The following RARB variants were observed in gnomAD, a reference collection of about 807,000 sequenced individuals.
The protein encoded by RARB is HBV-activated protein.
In RARB, 17 loss-of-function variants were observed where a neutral mutation model predicts 51.9. The observed-to-expected ratio is 0.33, with a 90% confidence interval of 0.22 to 0.49. The LOEUF is 0.49. RARB is among the 20% of genes least tolerant of loss of function. The probability of loss-of-function intolerance (pLI) is 0.99; values close to 1 mark genes in which losing one functional copy is unlikely to be tolerated. For missense variants in RARB, 369 were observed against 550.8 expected (o/e 0.67, Z 3.30); for synonymous variants, 215 against 195.4 (o/e 1.10, Z -0.84).
rs1463129864 is a variant in RARB at position 25,597,580 on chromosome 3, C to A, written c.*964C>A. 1 of 152,084 alleles carries A rather than the reference C, an allele frequency of 6.6e-6. No individual in the cohort carries two copies. Among genetic ancestry groups the A allele is most frequent in the Admixed American group, 6.6e-5 (1 of 15,242 alleles). 9.4% of individuals were successfully genotyped at this position (152,084 alleles called of 1,614,324 possible). ...ACTCTAGTGTCCTTCCTGATTCATGCCTGATATTGGGATTTTTTTTTCCAG... is the reference window on the plus strand; with the variant it reads ...ACTCTAGTGTCCTTCCTGATTCATGACTGATATTGGGATTTTTTTTTCCAG... On this transcript the variant is annotated 3_prime_UTR_variant, in exon 8 of 8. Coordinates refer to ENST00000330688, the MANE Select transcript of RARB (RefSeq NM_000965.5).
chr3:24,991,087 TTA>T (rs1261554753), intron 2 of RARB, among the ~76,000 whole-genome samples: 2 of 152,234 alleles, frequency 1.3e-5, no homozygotes, highest in African/African-American at 4.8e-5. Context: ...CTTGAATTAT[TTA>T]TTCCAATAGT....
chr3:25,542,437 G>A (rs777417730), intron 3 of RARB, among the ~76,000 whole-genome samples: 2 of 152,164 alleles, frequency 1.3e-5, no homozygotes, highest in Non-Finnish European at 2.9e-5. Context: ...GGAAATTAGG[G>A]TGGTGGTAAG....
At chr3:25,329,252 G>C (rs1271077626) in intron 5 of RARB, among the ~76,000 whole-genome samples, 1 of 152,222 alleles carries the variant, frequency 6.6e-6, no homozygotes, top group African/African-American at 2.4e-5. Context: ...CCCCCGAGTA[G>C]CCTAACGGGG....
At chr3:25,393,056 A>G (rs530066231) in intron 5 of RARB, among the ~76,000 whole-genome samples, 4 of 152,164 alleles carry the variant, frequency 2.6e-5, no homozygotes, top group African/African-American at 9.6e-5. Context: ...ACCTTAAGGT[A>G]TGTCCCTTCT....
At chr3:25,192,643 T>C (rs887974467) in intron 5 of RARB, among the ~76,000 whole-genome samples, 1 of 152,086 alleles carries the variant, frequency 6.6e-6, no homozygotes, top group African/African-American at 2.4e-5. Context: ...TTGCCATAAT[T>C]AGGGGTTACC....
chr3:25,263,598 C>T (rs148419352), intron 5 of RARB, among the ~76,000 whole-genome samples: 92 of 152,312 alleles, frequency 6.0e-4, no homozygotes, highest in African/African-American at 2.2e-3. Flanking sequence ...CAACCTCTAA[C>T]ACACACAGGC....
chr3:25,335,610 C>T (rs1390912273), intron 5 of RARB, among the ~76,000 whole-genome samples: 1 of 152,208 alleles, frequency 6.6e-6, no homozygotes, highest in Admixed American at 6.5e-5. Context: ...TAACAGCATT[C>T]ACCCCATCTT....
At chr3:25,206,292 T>C (rs970782698) in intron 5 of RARB, among the ~76,000 whole-genome samples, 1 of 152,236 alleles carries the variant, frequency 6.6e-6, no homozygotes, top group South Asian at 2.1e-4. Context: ...AAATTTGATA[T>C]TTTTAAGGCA....
At chr3:25,454,967 A>C (rs140792059) in intron 1 of RARB, among the ~76,000 whole-genome samples, 1 of 152,326 alleles carries the variant, frequency 6.6e-6, no homozygotes, top group East Asian at 1.9e-4. Flanking sequence ...AGTGTTTAAG[A>C]AAGCTTCGTC....
intron 2 of RARB, among the ~76,000 whole-genome samples, chr3:24,963,307 T>A (rs1696181285): frequency 6.6e-6 from 1 of 151,554 alleles, no homozygotes; most frequent in African/African-American, 2.4e-5. Context: ...TAAATGCCAG[T>A]GAGTTCATTG....
intron 5 of RARB, among the ~76,000 whole-genome samples, chr3:25,344,489 G>A (rs1319450480): frequency 2.0e-5 from 3 of 152,168 alleles, no homozygotes; most frequent in Non-Finnish European, 4.4e-5. Context: ...TGTGTCAGTG[G>A]TAAACTGAGT....
At chr3:25,160,688 A>G (rs1700460066) in intron 4 of RARB, among the ~76,000 whole-genome samples, 2 of 152,216 alleles carry the variant, frequency 1.3e-5, no homozygotes, top group Admixed American at 6.5e-5. Flanking sequence ...AGCTTAAAAT[A>G]GAAATGTATT....
intron 5 of RARB, among the ~76,000 whole-genome samples, chr3:25,420,209 T>C (rs1707822275): frequency 6.6e-6 from 1 of 152,198 alleles, no homozygotes; most frequent in Non-Finnish European, 1.5e-5. Flanking sequence ...TCCCACTCAA[T>C]CACATTGAGC....
At chr3:25,210,318 T>C (rs1399532367) in intron 5 of RARB, among the ~76,000 whole-genome samples, 1 of 152,000 alleles carries the variant, frequency 6.6e-6, no homozygotes, top group African/African-American at 2.4e-5. Context: ...ATAAAATTTA[T>C]AGGTTAGGAG....
At chr3:24,985,349 GT>G (rs10715822) in intron 2 of RARB, among the ~76,000 whole-genome samples, 27,315 of 131,114 alleles carry the variant, frequency 0.21, 2,440 homozygotes, top group African/African-American at 0.31. Context: ...TGGTTTTTTT[GT>G]TTTTTTTTTT....
intron 3 of RARB, among the ~76,000 whole-genome samples, chr3:25,121,574 T>C (rs1699783210): frequency 6.6e-6 from 1 of 152,140 alleles, no homozygotes; most frequent in African/African-American, 2.4e-5. Context: ...AGCAAGGTAT[T>C]AGAATCCAAT....
In RARB at chr3:25,115,633, CCTTT is replaced by C. The variant is rs573355468; in HGVS notation, c.-327-16523_-327-16520del. 1.5e-4 allele frequency among the ~76,000 whole-genome samples: 20 copies of C among 136,290 alleles called. No individual in the cohort carries two copies. The East Asian group carries it at 4.1e-3, about 28-fold the overall frequency. 89.4% of individuals were successfully genotyped at this position (136,290 alleles called of 152,430 possible). A position where few individuals can be genotyped will look rare whatever the true frequency, so the allele number is the denominator to read the frequency against. ...CTTTCTCTTCCTTTTTCTTTTTTTT[CCTTT>C]CTTTTTCTTTCTTTCTTTTTCCTTT... On this transcript the variant is annotated intron_variant, in intron 3 of 11. Transcript: ENST00000383772.
chr3:24,875,256 A>G (rs779944025), intron 2 of RARB, among the ~76,000 whole-genome samples: 7 of 152,154 alleles, frequency 4.6e-5, no homozygotes, highest in Non-Finnish European at 2.9e-5. Flanking sequence ...AGTTGATACT[A>G]TATCTAGGAA....
chr3:25,119,075 G>A (rs922414856), intron 3 of RARB, among the ~76,000 whole-genome samples: 5 of 152,126 alleles, frequency 3.3e-5, no homozygotes, highest in Admixed American at 2.0e-4. Flanking sequence ...TTTAAGCCTA[G>A]GAACAGTAAA....
Sources: allele counts gnomAD v4.1 joint callset (sites outside exome capture counted in the v4.1 genomes callset), GRCh38; gene constraint gnomAD v4.1.1; transcripts MANE v1.5; gene names NCBI Gene and HGNC (gene_info 2026-07-23, HGNC 2026-07-21).